CEP170: variants seen among roughly 807,000 people sequenced by gnomAD.
CEP170 encodes centrosomal protein 170.
In CEP170, 21 loss-of-function variants were observed where a neutral mutation model predicts 151.9. That is an observed-to-expected ratio of 0.14 (90% CI 0.10 to 0.20). CEP170 has a LOEUF of 0.20. Among genes scored for constraint, CEP170 ranks in the 10% least tolerant of loss-of-function variants. The pLI is 1.00. For synonymous variants in CEP170, 356 were observed against 648.8 expected, an observed-to-expected ratio of 0.55 and a Z score of 6.86; for missense variants, 964 against 1,892.9, an observed-to-expected ratio of 0.51 and a Z score of 9.11.
At chr1:243,183,935 TG>T (rs1386287400) in intron 10 of CEP170, among the ~76,000 whole-genome samples, 1 of 152,174 alleles carries the variant, frequency 6.6e-6, no homozygotes, top group Admixed American at 6.6e-5. Context: ...AGCAGTTTCC[TG>T]AAGAGTTTCA....
chr1:243,240,799 T>C (rs998060207), intron 1 of CEP170, among the ~76,000 whole-genome samples: 13 of 152,142 alleles, frequency 8.5e-5, no homozygotes, highest in African/African-American at 3.1e-4. Flanking sequence ...TTCAAGTGAT[T>C]CTCCTGCCTC....
chr1:243,150,445 C>G lies in CEP170; in HGVS notation c.3911+5776G>C, dbSNP rs75224955. ...GATTACAGGCGTGAGCCACCCCGCCCAGCTGACACAGCTATTTAACGATCA... is the reference window on the plus strand; with the variant it reads ...GATTACAGGCGTGAGCCACCCCGCCGAGCTGACACAGCTATTTAACGATCA... On this transcript the variant is annotated intron_variant, in intron 14 of 19. Transcript: ENST00000366542. 1.5e-4 allele frequency among the ~76,000 whole-genome samples: 23 copies of G among 152,326 alleles called. No homozygotes were observed. In the East Asian group the frequency reaches 4.2e-3, roughly 28 times the overall value.
At position 243,186,197 on chromosome 1, in the gene CEP170, G is replaced by A. The variant is rs557659920; in HGVS notation, c.1272+62C>T. 2.9e-5 allele frequency: 47 copies of A among 1,612,284 alleles called. No individual in the cohort carries two copies. In the Admixed American group the frequency reaches 6.0e-4, roughly 21 times the overall value. ...TCCCGCACTTTGAGTAAAAGAATAC[G>A]ACCTTCTTTTTCTGGGATTGTCTTC... On this transcript the variant is annotated intron_variant, in intron 9 of 19. Coordinates refer to ENST00000366542, the MANE Select transcript of CEP170 (RefSeq NM_014812.3).
At chr1:243,152,537 T>A (rs1170840737) in intron 14 of CEP170, among the ~76,000 whole-genome samples, 1 of 121,606 alleles carries the variant, frequency 8.2e-6, no homozygotes, top group African/African-American at 3.1e-5. Context: ...TTTTTTTTTT[T>A]TTTTTTTTTT....
chr1:243,132,090 CACAG>C (rs767212254), intron 17 of CEP170, among the ~76,000 whole-genome samples: 1 of 152,102 alleles, frequency 6.6e-6, no homozygotes, highest in South Asian at 2.1e-4. Flanking sequence ...AAATGGATTC[CACAG>C]ACAGTGTTCA....
intron 7 of CEP170, among the ~76,000 whole-genome samples, chr1:243,193,022 G>T (rs1203936777): frequency 6.6e-6 from 1 of 151,928 alleles, no homozygotes; most frequent in Non-Finnish European, 1.5e-5. Context: ...GAACATGAAA[G>T]AAAAGTATTG....
rs183934347 is a variant in CEP170, at chr1:243,130,272, G to A, written c.4320-819C>T. ...AAGCACCTTATCGATCAAGAAAAGT[G>A]TGTATATTATTTTGAAGACAAAAAA... On this transcript the variant is annotated intron_variant, in intron 17 of 19. Coordinates refer to ENST00000366542, the MANE Select transcript of CEP170 (RefSeq NM_014812.3). Among the ~76,000 whole-genome samples, 492 of 152,272 alleles carry A rather than the reference G, an allele frequency of 3.2e-3. 1 individual carries two copies. The highest frequency in any genetic ancestry group is 0.012 in the African/African-American group (488 of 41,578).
At chr1:243,244,487 A>T (rs185269380) in intron 1 of CEP170, among the ~76,000 whole-genome samples, 1 of 152,338 alleles carries the variant, frequency 6.6e-6, no homozygotes, top group Non-Finnish European at 1.5e-5. Flanking sequence ...TCACGCCTGT[A>T]ATCACAGCAC....
chr1:243,146,945 T>C (rs1021175436), intron 14 of CEP170, among the ~76,000 whole-genome samples: 6 of 151,636 alleles, frequency 4.0e-5, no homozygotes, highest in Non-Finnish European at 8.8e-5. Context: ...TAAAGACCAA[T>C]TGTGAATCCC....
intron 1 of CEP170, among the ~76,000 whole-genome samples, chr1:243,238,025 C>T (rs2064415075): frequency 6.6e-6 from 1 of 152,304 alleles, no homozygotes; most frequent in African/African-American, 2.4e-5. Context: ...CTTTCATATA[C>T]TGTAATTCTT....
chr1:243,138,501 T>C (rs1266796961), intron 16 of CEP170, among the ~76,000 whole-genome samples: 6 of 152,184 alleles, frequency 3.9e-5, no homozygotes, highest in Non-Finnish European at 8.8e-5. Context: ...TCCACAGATA[T>C]TAATCTATGA....
intron 1 of CEP170, among the ~76,000 whole-genome samples, chr1:243,240,126 C>T (rs772292066): frequency 1.3e-5 from 2 of 152,150 alleles, no homozygotes; most frequent in Non-Finnish European, 2.9e-5. Flanking sequence ...GTCTGGCCAA[C>T]ATGGTGAAAC....
chr1:243,182,314 C>G (rs1372112173), intron 10 of CEP170, among the ~76,000 whole-genome samples: 1 of 152,172 alleles, frequency 6.6e-6, no homozygotes, highest in Non-Finnish European at 1.5e-5. Flanking sequence ...GCTAAACAAA[C>G]CTCTTTTCTT....
intron 3 of CEP170, among the ~76,000 whole-genome samples, chr1:243,215,647 C>T (rs375944059): frequency 6.6e-6 from 1 of 152,138 alleles, no homozygotes; most frequent in East Asian, 1.9e-4. Context: ...AATGACAATG[C>T]GTGCCCAGTG....
chr1:243,149,775 A>G (rs1465464630), intron 14 of CEP170, among the ~76,000 whole-genome samples: 1 of 152,254 alleles, frequency 6.6e-6, no homozygotes, highest in Non-Finnish European at 1.5e-5. Flanking sequence ...GAAAAGCATT[A>G]TATTACCTTA....
chr1:243,135,352 G>A (rs1334515493), intron 17 of CEP170, among the ~76,000 whole-genome samples: 1 of 152,060 alleles, frequency 6.6e-6, no homozygotes, highest in South Asian at 2.1e-4. Context: ...GACTACAGGC[G>A]CCCGCCACCA....
intron 11 of CEP170, 151 bp downstream of exon 11, chr1:243,172,546 C>G (rs1377412480): frequency 3.8e-6 from 2 of 531,678 alleles, no homozygotes; most frequent in African/African-American, 3.9e-5. Context: ...GCAGGAGAAT[C>G]ACTTGAACTC....
rs2061471605 is a variant in CEP170, at chr1:243,207,075, C to T, written c.274+4811G>A. On this transcript the variant is annotated intron_variant, in intron 4 of 19. Coordinates refer to ENST00000366542, the MANE Select transcript of CEP170 (RefSeq NM_014812.3). ...TCAAGATGATAGATTTAAAACTAAC[C>T]ACATCAATTATCACAATAAATGTGA... is the stretch of plus-strand genomic sequence containing the variant. Among the ~76,000 whole-genome samples the T allele has an allele frequency of 5.9e-5, 9 of 152,158 alleles. No individual in the cohort carries two copies. In the South Asian group the frequency reaches 1.9e-3, roughly 32 times the overall value.
chr1:243,203,054 C>T (rs756538543), intron 4 of CEP170, among the ~76,000 whole-genome samples: 17 of 152,204 alleles, frequency 1.1e-4, no homozygotes, highest in Middle Eastern at 3.4e-3. Flanking sequence ...TGTGTGGAAA[C>T]GAAGAAGACC....
Sources: allele counts gnomAD v4.1 joint callset (sites outside exome capture counted in the v4.1 genomes callset), GRCh38; gene constraint gnomAD v4.1.1; transcripts MANE v1.5; gene names NCBI Gene and HGNC (gene_info 2026-07-23, HGNC 2026-07-21).